The following CBLIF variants were observed in gnomAD, a reference collection of about 807,000 sequenced individuals.
CBLIF encodes gastric intrinsic factor (vitamin B synthesis).
In CBLIF, 24 loss-of-function variants were observed where a neutral mutation model predicts 44.9. That is an observed-to-expected ratio of 0.53 (90% CI 0.39 to 0.75). The LOEUF (loss-of-function observed/expected upper bound fraction) is 0.75, where lower values mean the gene tolerates loss of function less well. CBLIF is among the 30% of genes least tolerant of loss of function. The probability of loss-of-function intolerance (pLI) is 0.00; values close to 1 mark genes in which losing one functional copy is unlikely to be tolerated. For synonymous variants in CBLIF, 183 were observed against 190.9 expected (o/e 0.96, Z 0.34); for missense variants, 481 against 513.0 (o/e 0.94, Z 0.60).
chr11:59,845,184 A>C, intron 1 of CBLIF, 191 bp downstream of exon 1: 2 of 737,100 alleles, frequency 2.7e-6, no homozygotes, highest in Non-Finnish European at 4.5e-6. Flanking sequence ...AATAAAAAAC[A>C]TATAGACTTG....
chr11:59,832,126 T>C (rs982109070), intron 7 of CBLIF, among the ~76,000 whole-genome samples: 1 of 152,242 alleles, frequency 6.6e-6, no homozygotes, highest in Non-Finnish European at 1.5e-5. Context: ...CAGTTTACTA[T>C]TGATGGGCAT....
intron 5 of CBLIF, among the ~76,000 whole-genome samples, chr11:59,839,918 C>A (rs1866502390): frequency 1.3e-5 from 2 of 151,848 alleles, no homozygotes; most frequent in Non-Finnish European, 2.9e-5. Context: ...CCCAAACCAT[C>A]TTTTATATCT....
At chr11:59,832,664 AAAAT>A (rs955054925) in intron 7 of CBLIF, among the ~76,000 whole-genome samples, 25 of 152,104 alleles carry the variant, frequency 1.6e-4, no homozygotes, top group African/African-American at 4.6e-4. Context: ...ACCTGATCTC[AAAAT>A]AAATAAATAA....
chr11:59,842,826 T>G (rs893603376), intron 3 of CBLIF: 11 of 646,572 alleles, frequency 1.7e-5, no homozygotes, highest in Admixed American at 4.7e-5. Context: ...CTTGTGTCCT[T>G]GGGATCATGA....
chr11:59,836,120 A>C, intron 6 of CBLIF, 111 bp from the exon 7 acceptor site: 1 of 848,668 alleles, frequency 1.2e-6, no homozygotes, highest in Admixed American at 1.8e-5. Context: ...GAAAGTAGTG[A>C]GTTTCATACC....
At chr11:59,837,974 G>A (rs1483551516) in intron 5 of CBLIF, among the ~76,000 whole-genome samples, 2 of 152,156 alleles carry the variant, frequency 1.3e-5, no homozygotes, top group African/African-American at 4.8e-5. Context: ...TAAACGGTAA[G>A]CTGCTAGTGA....
chr11:59,839,124 C>T (rs1175545096), intron 5 of CBLIF, among the ~76,000 whole-genome samples: 2 of 152,186 alleles, frequency 1.3e-5, no homozygotes, highest in African/African-American at 2.4e-5. Flanking sequence ...GCTGGGATTA[C>T]AGGTGTGAGC....
rs113506862 is a variant in CBLIF at position 59,844,163 on chromosome 11, G to A, written c.80-108C>T. The A allele has an allele frequency of 2.7e-3, 2,421 of 912,306 alleles. 44 individuals are homozygous for A. In the African/African-American group the frequency reaches 0.036, roughly 14 times the overall value. 56.5% of individuals were successfully genotyped at this position (912,306 alleles called of 1,614,324 possible). A position where few individuals can be genotyped will look rare whatever the true frequency, so the allele number is the denominator to read the frequency against. On this transcript the variant is annotated intron_variant, in intron 1 of 8. Coordinates refer to ENST00000257248, the MANE Select transcript of CBLIF (RefSeq NM_005142.3). ...CTTTCTTTCTTTTTTTTTTGAGACAGTGTTACTCTTGTTGCCCAGGCTAGA... is the reference window on the plus strand; with the variant it reads ...CTTTCTTTCTTTTTTTTTTGAGACAATGTTACTCTTGTTGCCCAGGCTAGA...
intron 7 of CBLIF, among the ~76,000 whole-genome samples, chr11:59,835,500 C>CCCACATCTTCCTAAATAGTA (rs1422626329): frequency 3.3e-5 from 5 of 152,202 alleles, no homozygotes; most frequent in Non-Finnish European, 7.3e-5. Flanking sequence ...CTTACCTCTT[C>CCCACATCTTCCTAAATAGTA]CCACATCTTC....
At chr11:59,842,984 A>G in intron 3 of CBLIF, 44 bp downstream of exon 3, 1 of 1,248,878 alleles carries the variant, frequency 8.0e-7, no homozygotes. Context: ...TTCTTAGGTA[A>G]AACCATATGC....
At chr11:59,836,042 G>A in intron 6 of CBLIF, 33 bp from the exon 7 acceptor site, 1 of 1,555,622 alleles carries the variant, frequency 6.4e-7, no homozygotes, top group Non-Finnish European at 8.9e-7. Context: ...ATTTGTCAAA[G>A]ATTATGGGGT....
chr11:59,840,892 A>AT (rs914297998), intron 5 of CBLIF: 61 of 424,388 alleles, frequency 1.4e-4, no homozygotes, highest in East Asian at 3.8e-4. Flanking sequence ...TATTTGTTTC[A>AT]TTTTTTTTCC....
rs776516305 is a variant in CBLIF at position 59,842,541 on chromosome 11, G to A, written c.413C>T (p.Ala138Val). The A allele has an allele frequency of 4.3e-6, 7 of 1,613,760 alleles. No individual in the cohort carries two copies. Among genetic ancestry groups the A allele is most frequent in the Non-Finnish European group, 5.1e-6 (6 of 1,179,788 alleles). ...GTTCTTCTGGCACAGTGCCAAGATC[G>A]CTAGACTGGGCCCATAGAAGGCTGA... ...EASAFYGPSL[A>V]ILALCQKNSE... The change falls in exon 4 of 9, where the codon GCG becomes GTG. Residue 138 changes from alanine (A) to valine (V), a missense_variant. Transcript: ENST00000257248.
chr11:59,831,315 G>C (rs936969739), intron 8 of CBLIF, among the ~76,000 whole-genome samples: 1 of 152,018 alleles, frequency 6.6e-6, no homozygotes, highest in Non-Finnish European at 1.5e-5. Context: ...TTTGTACAAA[G>C]CACATTTGTC....
At chr11:59,831,643 A>G (rs566282297) in intron 8 of CBLIF, 35 bp downstream of exon 8, 6 of 879,634 alleles carry the variant, frequency 6.8e-6, no homozygotes, top group Middle Eastern at 2.2e-4. Context: ...CCTTCAGACT[A>G]TGGAAGATAA....
In CBLIF at chr11:59,830,467, G is replaced by C. The variant is rs112505206; in HGVS notation, c.1193-922C>G. Reference sequence around the variant, plus strand: ...TTAGCCAGGATGGTCTTGATCTCCTGACCTCCTGATCCGTCCGCCTTGGCC... The same window carrying C: ...TTAGCCAGGATGGTCTTGATCTCCTCACCTCCTGATCCGTCCGCCTTGGCC... On this transcript the variant is annotated intron_variant, in intron 8 of 8. Transcript: ENST00000257248. Among the ~76,000 whole-genome samples, 36 of 151,658 alleles carry C rather than the reference G, an allele frequency of 2.4e-4. No homozygotes were observed. The East Asian group carries it at 5.4e-3, about 23-fold the overall frequency.
rs1049478492 is a variant in CBLIF at position 59,835,057 on chromosome 11, C to T, written c.1073+751G>A. On this transcript the variant is annotated intron_variant, in intron 7 of 8. Transcript: ENST00000257248. ...TATTTCAAGACTTTTACACTGTCAC[C>T]CAACCTGGTATGTCCACCTGGCCTA... 2.0e-5 allele frequency among the ~76,000 whole-genome samples: 3 copies of T among 152,166 alleles called. No homozygotes were observed. The South Asian group carries it at 6.2e-4, about 31-fold the overall frequency.
At chr11:59,833,751 A>G (rs75699479) in intron 7 of CBLIF, among the ~76,000 whole-genome samples, 2,789 of 152,250 alleles carry the variant, frequency 0.018, 78 homozygotes, top group African/African-American at 0.062. Flanking sequence ...TTGAAAAAGA[A>G]AAGATGCTTT....
At chr11:59,840,952 G>C in intron 5 of CBLIF, 191 bp downstream of exon 5, 3 of 615,860 alleles carry the variant, frequency 4.9e-6, no homozygotes, top group Non-Finnish European at 8.8e-6. Context: ...CTTTACATAG[G>C]AGGTAGGGAG....
Sources: allele counts gnomAD v4.1 joint callset (sites outside exome capture counted in the v4.1 genomes callset), GRCh38; gene constraint gnomAD v4.1.1; transcripts MANE v1.5; gene names NCBI Gene and HGNC (gene_info 2026-07-23, HGNC 2026-07-21).